The following ECD variants were observed in gnomAD, a reference collection of about 807,000 sequenced individuals.
ECD encodes protein ecdysoneless homolog.
ECD carries 59 observed loss-of-function variants against 77.2 expected under a neutral mutation model. The ratio of observed to expected loss-of-function variants is 0.76; its 90% CI spans 0.62 to 0.95. The LOEUF is 0.95. ECD is among the 40% of genes least tolerant of loss of function. The pLI, the probability that ECD is intolerant of heterozygous loss-of-function variation, is 0.00. For synonymous variants in ECD, 233 were observed against 267.4 expected (o/e 0.87, Z 1.26); for missense variants, 704 against 763.4 (o/e 0.92, Z 0.92).
intron 3 of ECD, among the ~76,000 whole-genome samples, chr10:73,159,626 CTT>C (rs1261484622): frequency 6.9e-6 from 1 of 144,216 alleles, no homozygotes; most frequent in Admixed American, 6.9e-5. Context: ...AAGTTGAACT[CTT>C]TGACAGTACT....
intron 9 of ECD, among the ~76,000 whole-genome samples, chr10:73,142,326 T>C (rs951013525): frequency 6.6e-6 from 1 of 151,900 alleles, no homozygotes; most frequent in Non-Finnish European, 1.5e-5. Context: ...TTATTTTTAA[T>C]TGACAAAAAA....
At chr10:73,142,312 T>C (rs1843069112) in intron 9 of ECD, among the ~76,000 whole-genome samples, 1 of 151,878 alleles carries the variant, frequency 6.6e-6, no homozygotes, top group African/African-American at 2.4e-5. Context: ...CCCGGCCTAT[T>C]TGTTTATTTT....
chr10:73,147,733 A>G (rs1016290825), intron 8 of ECD, among the ~76,000 whole-genome samples: 14 of 152,160 alleles, frequency 9.2e-5, no homozygotes, highest in African/African-American at 3.1e-4. Context: ...AGACACTACC[A>G]AATTACTTTC....
chr10:73,157,717 C>A (rs1474564426), intron 3 of ECD, among the ~76,000 whole-genome samples: 8 of 143,800 alleles, frequency 5.6e-5, no homozygotes, highest in Non-Finnish European at 1.2e-4. Flanking sequence ...AGCGAAACTC[C>A]ATCTCAAAAA....
chr10:73,145,918 CA>C (rs1843121678), intron 9 of ECD, among the ~76,000 whole-genome samples: 2 of 151,986 alleles, frequency 1.3e-5, no homozygotes, highest in Non-Finnish European at 2.9e-5. Context: ...GCTGGGATTA[CA>C]GGCGTGAGCC....
At position 73,139,329 on chromosome 10, in the gene ECD, G is replaced by A. The variant is rs1422732185; in HGVS notation, c.1401C>T (p.His467=). 1 of 1,613,290 alleles carries A rather than the reference G, an allele frequency of 6.2e-7. No individual in the cohort carries two copies. The highest frequency in any genetic ancestry group is 1.1e-5 in the South Asian group (1 of 90,888). ...ATTACCGAGGCAGCTCTGCTCCCTTGTGGGTTGAGACTTTGGATATGAAAG... is the reference window on the plus strand; with the variant it reads ...ATTACCGAGGCAGCTCTGCTCCCTTATGGGTTGAGACTTTGGATATGAAAG... ...MKAFISKVST[H]KGAELPREPS... Residue 467 remains histidine (H), a synonymous_variant, in exon 11 of 14, where the codon CAC becomes CAT. Coordinates refer to ENST00000372979, the MANE Select transcript of ECD (RefSeq NM_007265.3).
intron 1 of ECD, among the ~76,000 whole-genome samples, chr10:73,165,996 T>C (rs1051144804): frequency 1.3e-5 from 2 of 152,130 alleles, no homozygotes; most frequent in African/African-American, 2.4e-5. Context: ...TGGTAAACCA[T>C]CCTTCTACTT....
intron 1 of ECD, among the ~76,000 whole-genome samples, chr10:73,166,610 T>G (rs1843470230): frequency 6.6e-6 from 1 of 152,250 alleles, no homozygotes; most frequent in Non-Finnish European, 1.5e-5. Context: ...TTTTTATGTC[T>G]TCTTTGAGAA....
chr10:73,134,507 G>T lies in ECD; in HGVS notation c.*76C>A. On this transcript the variant is annotated 3_prime_UTR_variant, in exon 14 of 14. Coordinates refer to ENST00000372979, the MANE Select transcript of ECD (RefSeq NM_007265.3). Reference sequence around the variant, plus strand: ...ATGAAGAAACATTTTTACTAAATGAGTAATCTAAACTAGAAATGAACAGAA... The same window carrying T: ...ATGAAGAAACATTTTTACTAAATGATTAATCTAAACTAGAAATGAACAGAA... 7.6e-7 allele frequency: 1 copy of T among 1,317,954 alleles called. No individual in the cohort carries two copies. The highest frequency in any genetic ancestry group is 1.0e-6 in the Non-Finnish European group (1 of 958,428). 81.6% of individuals were successfully genotyped at this position (1,317,954 alleles called of 1,614,324 possible).
At chr10:73,134,930 ACTT>A in intron 13 of ECD, 117 bp from the exon 14 acceptor site, 1 of 853,200 alleles carries the variant, frequency 1.2e-6, no homozygotes. Context: ...TAAAAAGGAA[ACTT>A]CTTATCCTTG....
chr10:73,140,799 G>A (rs7912539), intron 9 of ECD, among the ~76,000 whole-genome samples: 7,293 of 151,752 alleles, frequency 0.048, 553 homozygotes, highest in African/African-American at 0.16. Context: ...CACTGATCTC[G>A]TATAATTCTT....
chr10:73,146,364 TAAAA>T lies in ECD; in HGVS notation c.1042-7_1042-4del. The T allele has an allele frequency of 4.4e-6, 6 of 1,352,964 alleles. No homozygotes were observed. The highest frequency in any genetic ancestry group is 1.3e-5 in the South Asian group (1 of 74,786). The allele number at this position is 1,352,964 out of a possible 1,614,324, so 83.8% of individuals were successfully genotyped here. A position where few individuals can be genotyped will look rare whatever the true frequency, so the allele number is the denominator to read the frequency against. On this transcript the variant is annotated splice_polypyrimidine_tract_variant and splice_region_variant and intron_variant, in intron 8 of 13. Coordinates refer to ENST00000372979, the MANE Select transcript of ECD (RefSeq NM_007265.3). ...TGAGCAGAACCTTCTATCAGTCCCT[TAAAA>T]AAAAAAAAAGGTCTATCAGAACATT...
intron 6 of ECD, 64 bp downstream of exon 6, chr10:73,154,192 A>C (rs1245297833): frequency 1.9e-5 from 28 of 1,474,948 alleles, no homozygotes; most frequent in Non-Finnish European, 2.5e-5. Flanking sequence ...AAAAAGAAAA[A>C]AATAATAATG....
In ECD at chr10:73,146,376, A is replaced by G; in HGVS notation, c.1042-15T>C. On this transcript the variant is annotated splice_polypyrimidine_tract_variant and intron_variant, in intron 8 of 13. Transcript: ENST00000372979. ...TCTATCAGTCCCTTAAAAAAAAAAA[A>G]AGGTCTATCAGAACATTACTCACAA... The G allele has an allele frequency of 1.3e-6, 2 of 1,554,910 alleles. No homozygotes were observed. Among genetic ancestry groups the G allele is most frequent in the Non-Finnish European group, 1.7e-6 (2 of 1,145,382 alleles).
intron 12 of ECD, among the ~76,000 whole-genome samples, chr10:73,137,337 T>A (rs1257366616): frequency 6.6e-6 from 1 of 152,182 alleles, no homozygotes; most frequent in Non-Finnish European, 1.5e-5. Flanking sequence ...CTCTCTGCAG[T>A]TCTGTACATA....
At chr10:73,151,611 C>T (rs1843208526) in intron 7 of ECD, among the ~76,000 whole-genome samples, 1 of 149,098 alleles carries the variant, frequency 6.7e-6, no homozygotes, top group African/African-American at 2.5e-5. Context: ...AAAAGAAAAA[C>T]ACTATTTTGT....
At chr10:73,155,108 G>C (rs1843278606) in intron 5 of ECD, among the ~76,000 whole-genome samples, 1 of 151,976 alleles carries the variant, frequency 6.6e-6, no homozygotes, top group South Asian at 2.1e-4. Context: ...GAGTGCAGTG[G>C]TGCAACCTCG....
chr10:73,139,447 T>G lies in ECD; in HGVS notation c.1283A>C (p.Gln428Pro), dbSNP rs1203953814. 1.2e-6 allele frequency: 2 copies of G among 1,614,178 alleles called. No individual in the cohort carries two copies. ...LSPDQLDQLL[Q>P]EAVGKKESES... ...GGATTCTTTTTTGCCAACAGCTTCC[T>G]GCAGCAGCTGGTCCAGCTGATCTGG... The change falls in exon 11 of 14, where the codon CAG (glutamine) becomes CCG (proline). Residue 428 changes from glutamine (Q) to proline (P), a missense_variant. Around this residue, in one of 3 missense-constraint regions of ECD, gnomAD observed 559 missense variants for 583.7 expected, o/e 0.96. Coordinates refer to ENST00000372979, the MANE Select transcript of ECD (RefSeq NM_007265.3).
Position 73,154,226 on chromosome 10 carries a change from G to A in ECD, c.783+30C>T, listed in dbSNP as rs773072143. ...TGTTTCAACTCGGTTTCCAGTAAGA[G>A]AAACTAAATGACCAAGATAGAAATC... is the stretch of plus-strand genomic sequence containing the variant. On this transcript the variant is annotated intron_variant, in intron 6 of 13. Transcript: ENST00000372979. 3.2e-6 allele frequency: 5 copies of A among 1,548,228 alleles called. No homozygotes were observed. In the Admixed American group the frequency reaches 6.2e-5, roughly 19 times the overall value.
Sources: gnomAD v4.1 joint callset for allele counts (sites outside exome capture counted in the v4.1 genomes callset) on GRCh38, gnomAD v4.1.1 for gene constraint, gnomAD v4.1.1 regional missense constraint, MANE v1.5 for transcripts, NCBI Gene and HGNC (gene_info 2026-07-23, HGNC 2026-07-21) for gene names.